The following DTNBP1 variants were observed in gnomAD, a reference collection of about 807,000 sequenced individuals.
DTNBP1 encodes dystrobrevin binding protein 1.
A neutral mutation model predicts 42.8 loss-of-function variants in DTNBP1; 35 were observed. The ratio of observed to expected loss-of-function variants is 0.82; its 90% CI spans 0.63 to 1.09. The LOEUF is 1.09. Among genes scored for constraint, DTNBP1 ranks in the 50% least tolerant of loss-of-function variants. The pLI, the probability that DTNBP1 is intolerant of heterozygous loss-of-function variation, is 0.00. For synonymous variants in DTNBP1, 171 were observed against 162.2 expected (o/e 1.05, Z -0.41); for missense variants, 457 against 424.2 (o/e 1.08, Z -0.68).
At chr6:15,633,209 C>T (rs548454772) in intron 4 of DTNBP1, among the ~76,000 whole-genome samples, 1 of 152,308 alleles carries the variant, frequency 6.6e-6, no homozygotes, top group East Asian at 1.9e-4. Flanking sequence ...AATGCAACAT[C>T]CATTCTGTAG....
At chr6:15,655,378 G>A (rs1359742179) in intron 1 of DTNBP1, among the ~76,000 whole-genome samples, 1 of 152,086 alleles carries the variant, frequency 6.6e-6, no homozygotes, top group Non-Finnish European at 1.5e-5. Flanking sequence ...TCCCACCTCA[G>A]CCTCCCCAAG....
At chr6:15,556,181 A>T (rs1191287016) in intron 7 of DTNBP1, among the ~76,000 whole-genome samples, 2 of 150,922 alleles carry the variant, frequency 1.3e-5, no homozygotes, top group Non-Finnish European at 3.0e-5. Flanking sequence ...GAGTTAAAAA[A>T]TCTTTTTTTT....
At chr6:15,530,459 A>T (rs1772742793) in intron 8 of DTNBP1, among the ~76,000 whole-genome samples, 1 of 152,242 alleles carries the variant, frequency 6.6e-6, no homozygotes, top group South Asian at 2.1e-4. Flanking sequence ...AATCTTTGAG[A>T]TACTCAAAAC....
chr6:15,618,968 G>A (rs553194837), intron 5 of DTNBP1, among the ~76,000 whole-genome samples: 56 of 152,318 alleles, frequency 3.7e-4, no homozygotes, highest in African/African-American at 1.3e-3. Flanking sequence ...AGTGAAATAA[G>A]CCAGGCACAG....
rs552726820 is a variant in DTNBP1 at position 15,573,830 on chromosome 6, C to T, written c.511+19229G>A. ...TCAAGCAATTCTCTGCCTCAGCCTC[C>T]CGAGCAGCTGGGATTACAGGTGCCC... On this transcript the variant is annotated intron_variant, in intron 7 of 9. Coordinates refer to ENST00000344537, the MANE Select transcript of DTNBP1 (RefSeq NM_032122.5). 4.6e-5 allele frequency among the ~76,000 whole-genome samples: 7 copies of T among 152,136 alleles called. No homozygotes were observed. The South Asian group carries it at 1.5e-3, about 32-fold the overall frequency.
intron 6 of DTNBP1, among the ~76,000 whole-genome samples, chr6:15,612,089 G>C (rs777253898): frequency 6.6e-6 from 1 of 152,160 alleles, no homozygotes; most frequent in African/African-American, 2.4e-5. Flanking sequence ...AATCGATGTA[G>C]CAAACTTCAT....
intron 3 of DTNBP1, among the ~76,000 whole-genome samples, chr6:15,640,886 C>T (rs1760305236): frequency 6.6e-6 from 1 of 152,174 alleles, no homozygotes; most frequent in Admixed American, 6.5e-5. Flanking sequence ...CACCCCAACC[C>T]CTGGACAGGT....
At chr6:15,526,624 C>T (rs1340674552) in intron 8 of DTNBP1, among the ~76,000 whole-genome samples, 5 of 152,198 alleles carry the variant, frequency 3.3e-5, no homozygotes, top group Admixed American at 1.3e-4. Flanking sequence ...GACAGCAGTT[C>T]GCTGGGCTGG....
At chr6:15,610,350 C>T (rs963585643) in intron 6 of DTNBP1, among the ~76,000 whole-genome samples, 3 of 152,240 alleles carry the variant, frequency 2.0e-5, no homozygotes, top group Admixed American at 1.3e-4. Flanking sequence ...GACTGCTCCA[C>T]TGACCAGCCA....
intron 1 of DTNBP1, among the ~76,000 whole-genome samples, chr6:15,653,344 T>C (rs1470026626): frequency 6.6e-6 from 1 of 152,168 alleles, no homozygotes; most frequent in African/African-American, 2.4e-5. Flanking sequence ...AACCAATCTA[T>C]GGTAGTTTTG....
chr6:15,542,545 T>C (rs1773633650), intron 7 of DTNBP1, among the ~76,000 whole-genome samples: 1 of 152,082 alleles, frequency 6.6e-6, no homozygotes, highest in Admixed American at 6.6e-5. Flanking sequence ...CTAATTTTCG[T>C]ATTTTTAGTA....
intron 9 of DTNBP1, chr6:15,523,604 C>T (rs1275137445): frequency 7.8e-7 from 1 of 1,287,488 alleles, no homozygotes; most frequent in South Asian, 1.2e-5. Context: ...AGAGACACCA[C>T]TGCTGAGAAA....
In DTNBP1 at chr6:15,657,355, T is replaced by C. The variant is rs74588598; in HGVS notation, c.57-5215A>G. 1.1e-3 allele frequency among the ~76,000 whole-genome samples: 162 copies of C among 152,308 alleles called. 2 individuals carry two copies. In the East Asian group the frequency reaches 0.021, roughly 20 times the overall value. On this transcript the variant is annotated intron_variant, in intron 1 of 9. Coordinates refer to ENST00000344537, the MANE Select transcript of DTNBP1 (RefSeq NM_032122.5). ...GGTATATGACACCATTTATCTAAGA[T>C]ACTTCCAAATTCACATTCTCAATTT...
At chr6:15,530,207 G>A (rs1772719664) in intron 8 of DTNBP1, among the ~76,000 whole-genome samples, 1 of 152,228 alleles carries the variant, frequency 6.6e-6, no homozygotes, top group African/African-American at 2.4e-5. Flanking sequence ...CCTTGGAGAT[G>A]AAGATTCCTC....
chr6:15,557,451 G>A (rs1330161154), intron 7 of DTNBP1, among the ~76,000 whole-genome samples: 1 of 152,044 alleles, frequency 6.6e-6, no homozygotes. Context: ...TAAAAGCACT[G>A]CAGGGTTTTC....
chr6:15,608,344 A>C (rs1240880356), intron 6 of DTNBP1, among the ~76,000 whole-genome samples: 2 of 151,918 alleles, frequency 1.3e-5, no homozygotes, highest in Non-Finnish European at 2.9e-5. Flanking sequence ...TCAAGTTATA[A>C]ATAAATAAAT....
rs192556649 is a variant in DTNBP1, at chr6:15,643,373, G to C, written c.162-5569C>G. Among the ~76,000 whole-genome samples, 151 of 152,244 alleles carry C rather than the reference G, an allele frequency of 9.9e-4. No individual in the cohort carries two copies. The Middle Eastern group carries it at 0.01, about 10-fold the overall frequency. ...AGTAAGGAACTTGGAAAACATATTT[G>C]AGGGAATAATCCAGGAAAATTTCTC... On this transcript the variant is annotated intron_variant, in intron 3 of 9. Transcript: ENST00000344537.
intron 6 of DTNBP1, 73 bp from the exon 7 acceptor site, chr6:15,593,154 A>G: frequency 2.2e-6 from 3 of 1,390,358 alleles, no homozygotes; most frequent in Non-Finnish European, 3.0e-6. Flanking sequence ...TTCTTCCATC[A>G]TAATAAAAAC....
At chr6:15,623,776 T>A (rs1475940173) in intron 5 of DTNBP1, among the ~76,000 whole-genome samples, 1 of 152,238 alleles carries the variant, frequency 6.6e-6, no homozygotes, top group East Asian at 1.9e-4. Context: ...TCCAGTTTTA[T>A]GATTAAAAAG....
Sources: allele counts gnomAD v4.1 joint callset (sites outside exome capture counted in the v4.1 genomes callset), GRCh38; gene constraint gnomAD v4.1.1; transcripts MANE v1.5; gene names NCBI Gene and HGNC (gene_info 2026-07-23, HGNC 2026-07-21).